GPCPD1: variants seen among roughly 807,000 people sequenced by gnomAD.
GPCPD1 encodes the protein glycerophosphocholine phosphodiesterase GPCPD1.
Under a neutral mutation model 89.2 loss-of-function variants are expected in GPCPD1, and 29 were observed. The observed-to-expected ratio is 0.33, with a 90% CI of 0.24 to 0.44. The LOEUF is 0.44. GPCPD1 is among the 20% of genes least tolerant of loss of function. GPCPD1 has a pLI of 1.00. For missense variants in GPCPD1, 594 were observed against 808.9 expected, an observed-to-expected ratio of 0.73 and a Z score of 3.22; for synonymous variants, 258 against 266.3, an observed-to-expected ratio of 0.97 and a Z score of 0.30.
chr20:5,593,424 A>C lies in GPCPD1; in HGVS notation c.147-13T>G. 6.9e-7 allele frequency: 1 copy of C among 1,452,116 alleles called. No individual in the cohort carries two copies. Among genetic ancestry groups the C allele is most frequent in the South Asian group, 1.2e-5 (1 of 86,842 alleles). The allele number at this position is 1,452,116 out of a possible 1,614,324, so 90.0% of individuals were successfully genotyped here. On this transcript the variant is annotated splice_polypyrimidine_tract_variant and intron_variant, in intron 3 of 19. Coordinates refer to ENST00000379019, the MANE Select transcript of GPCPD1 (RefSeq NM_019593.5). ...TTTCCATAGCATGCTGTGAAGAAAG[A>C]AAATTAAAAGCAGCAGCATCAATAT...
chr20:5,557,179 CTTTAGGTGA>C (rs1374666503), intron 19 of GPCPD1, among the ~76,000 whole-genome samples: 5 of 152,270 alleles, frequency 3.3e-5, no homozygotes, highest in Admixed American at 1.3e-4. Flanking sequence ...TCAGCTTTTC[CTTTAGGTGA>C]CACAGAAAAC....
chr20:5,591,570 T>A (rs1979329470), intron 4 of GPCPD1, among the ~76,000 whole-genome samples: 1 of 152,244 alleles, frequency 6.6e-6, no homozygotes, highest in Non-Finnish European at 1.5e-5. Flanking sequence ...TTATTTGTTT[T>A]CCTATCATTC....
At chr20:5,594,093 A>G (rs1979527583) in intron 3 of GPCPD1, among the ~76,000 whole-genome samples, 1 of 152,240 alleles carries the variant, frequency 6.6e-6, no homozygotes, top group South Asian at 2.1e-4. Flanking sequence ...CTTAAGGTCA[A>G]GAATTCACTA....
intron 15 of GPCPD1, among the ~76,000 whole-genome samples, chr20:5,563,791 G>T (rs1437423466): frequency 6.6e-6 from 1 of 152,090 alleles, no homozygotes; most frequent in Non-Finnish European, 1.5e-5. Context: ...AGATTTTAAT[G>T]ATTTAGATTG....
At chr20:5,563,897 T>C (rs1414112020) in intron 15 of GPCPD1, among the ~76,000 whole-genome samples, 1 of 152,206 alleles carries the variant, frequency 6.6e-6, no homozygotes, top group African/African-American at 2.4e-5. Flanking sequence ...CACATTTCCA[T>C]GCACGTGTTA....
chr20:5,546,332 C>G lies in GPCPD1; in HGVS notation c.*1329G>C, dbSNP rs529787784. ...AATATGTCAATATATGAATAAACTG[C>G]CTTGTGAAAAACATGCAGTAAAAGG... On this transcript the variant is annotated 3_prime_UTR_variant, in exon 20 of 20. Transcript: ENST00000379019. 18 of 152,268 alleles carry G rather than the reference C, an allele frequency of 1.2e-4. No homozygotes were observed. The highest frequency in any genetic ancestry group is 3.9e-4 in the Admixed American group (6 of 15,284). The allele number at this position is 152,268 out of a possible 1,614,324, so 9.4% of individuals were successfully genotyped here.
intron 4 of GPCPD1, among the ~76,000 whole-genome samples, chr20:5,590,542 C>CAAAAAAAAAAA (rs71197771): frequency 1.5e-4 from 12 of 78,986 alleles, no homozygotes; most frequent in Non-Finnish European, 2.1e-4. Context: ...GACTCTGTCT[C>CAAAAAAAAAAA]AAAAAAAAAA....
In GPCPD1 at chr20:5,546,032, A is replaced by G. The variant is rs539087734; in HGVS notation, c.*1629T>C. 5 of 152,380 alleles carry G rather than the reference A, an allele frequency of 3.3e-5. No homozygotes were observed. The highest frequency in any genetic ancestry group is 1.2e-4 in the African/African-American group (5 of 41,594). 9.4% of individuals were successfully genotyped at this position (152,380 alleles called of 1,614,324 possible). ...GTATTGGACAAAGGTCTGCAGATGA[A>G]GGAAACTAATTCTTTTTCAGGAGTT... On this transcript the variant is annotated 3_prime_UTR_variant, in exon 20 of 20. Coordinates refer to ENST00000379019, the MANE Select transcript of GPCPD1 (RefSeq NM_019593.5).
At chr20:5,560,990 T>C (rs760325624) in intron 16 of GPCPD1, among the ~76,000 whole-genome samples, 2 of 152,244 alleles carry the variant, frequency 1.3e-5, no homozygotes, top group African/African-American at 4.8e-5. Context: ...GCCTGGTCCA[T>C]AGCAGCTTTT....
chr20:5,587,761 G>A (rs1193122600), intron 4 of GPCPD1, among the ~76,000 whole-genome samples: 1 of 151,972 alleles, frequency 6.6e-6, no homozygotes, highest in Non-Finnish European at 1.5e-5. Context: ...ACTTTCTATA[G>A]GATTTTAATA....
At chr20:5,600,160 T>A (rs1269804487) in intron 2 of GPCPD1, among the ~76,000 whole-genome samples, 2 of 152,224 alleles carry the variant, frequency 1.3e-5, no homozygotes, top group African/African-American at 4.8e-5. Context: ...AAGACTAGAA[T>A]TGTACTCAGC....
intron 8 of GPCPD1, among the ~76,000 whole-genome samples, chr20:5,577,014 G>A (rs1978291164): frequency 6.6e-6 from 1 of 151,482 alleles, no homozygotes; most frequent in South Asian, 2.1e-4. Flanking sequence ...AGACCAGCCT[G>A]GGCAACAAAG....
At position 5,588,375 on chromosome 20, in the gene GPCPD1, C is replaced by T. The variant is rs147681725; in HGVS notation, c.232-2106G>A. ...CAAAAATTAGCTAGGTGTGGTGGCA[C>T]ACAACTGTAGTCCCAGCTACATGTG... On this transcript the variant is annotated intron_variant, in intron 4 of 19. Transcript: ENST00000379019. Among the ~76,000 whole-genome samples, 121 of 151,812 alleles carry T rather than the reference C, an allele frequency of 8.0e-4. 1 individual carries two copies. The highest frequency in any genetic ancestry group is 2.8e-3 in the African/African-American group (117 of 41,368).
At position 5,545,050 on chromosome 20, in the gene GPCPD1, G is replaced by A. The variant is rs1471592187; in HGVS notation, c.*2611C>T. 4.5e-5 allele frequency: 6 copies of A among 133,062 alleles called. No individual in the cohort carries two copies. In the East Asian group the frequency reaches 1.2e-3, roughly 27 times the overall value. The allele number at this position is 133,062 out of a possible 1,614,324, so 8.2% of individuals were successfully genotyped here. On this transcript the variant is annotated 3_prime_UTR_variant, in exon 20 of 20. Transcript: ENST00000379019. ...ATTCCAGAGAGTAGAAAATACCAGA[G>A]GATAATGGCGGCATTTTTTCAAACA...
At chr20:5,597,098 T>C (rs563909599) in intron 3 of GPCPD1, among the ~76,000 whole-genome samples, 2 of 152,264 alleles carry the variant, frequency 1.3e-5, no homozygotes, top group South Asian at 2.1e-4. Flanking sequence ...TTGAAGGAAA[T>C]ACTAGTCTGT....
chr20:5,606,248 GAC>G (rs1980576405), intron 1 of GPCPD1, among the ~76,000 whole-genome samples: 1 of 151,886 alleles, frequency 6.6e-6, no homozygotes, highest in Non-Finnish European at 1.5e-5. Flanking sequence ...TCCATCCAAA[GAC>G]ACACCATATT....
intron 17 of GPCPD1, among the ~76,000 whole-genome samples, chr20:5,559,673 T>C (rs1385353892): frequency 6.6e-6 from 1 of 152,166 alleles, no homozygotes; most frequent in African/African-American, 2.4e-5. Context: ...GATAAATCCC[T>C]AGGGAGCTTA....
intron 2 of GPCPD1, among the ~76,000 whole-genome samples, chr20:5,602,950 T>C (rs1490325496): frequency 5.6e-5 from 8 of 141,848 alleles, no homozygotes; most frequent in African/African-American, 2.2e-4. Flanking sequence ...GTCATTGCAC[T>C]CCAGCCTAGG....
chr20:5,599,880 A>G, intron 2 of GPCPD1, among the ~76,000 whole-genome samples: 1 of 152,154 alleles, frequency 6.6e-6, no homozygotes, highest in East Asian at 1.9e-4. Context: ...AACTAAGGTA[A>G]TGTATCATTT....
Sources: gnomAD v4.1 joint callset for allele counts (sites outside exome capture counted in the v4.1 genomes callset) on GRCh38, gnomAD v4.1.1 for gene constraint, MANE v1.5 for transcripts, NCBI Gene and HGNC (gene_info 2026-07-23, HGNC 2026-07-21) for gene names.